Variants in CST8 observed in about 807,000 individuals in gnomAD.
The protein encoded by CST8 is cystatin-8.
Under a neutral mutation model 11.8 loss-of-function variants are expected in CST8, and 20 were observed. The observed-to-expected ratio is 1.70, with a 90% CI of 1.20 to 2.47. The LOEUF (loss-of-function observed/expected upper bound fraction) is 2.47, where lower values mean the gene tolerates loss of function less well. Ranked by LOEUF, CST8 falls within the 30% of genes most tolerant of loss-of-function variation. The pLI is 0.00. For missense variants in CST8, 196 were observed against 167.2 expected (o/e 1.17, Z -0.95); for synonymous variants, 77 against 63.1 (o/e 1.22, Z -1.05).
the CST8 span, among the ~76,000 whole-genome samples, chr20:23,504,197 G>A: frequency 6.6e-6 from 1 of 152,296 alleles, no homozygotes; most frequent in South Asian, 2.1e-4. Context: ...TGAAGCCACC[G>A]GCTATGTGAA....
At chr20:23,495,128 T>G (rs1988003302) in intron 3 of CST8, among the ~76,000 whole-genome samples, 1 of 152,210 alleles carries the variant, frequency 6.6e-6, no homozygotes, top group Non-Finnish European at 1.5e-5. Context: ...TTCATATTAC[T>G]GCAAAGGACA....
intron 3 of CST8, among the ~76,000 whole-genome samples, chr20:23,493,291 T>C (rs1987947547): frequency 6.6e-6 from 1 of 152,176 alleles, no homozygotes; most frequent in African/African-American, 2.4e-5. Flanking sequence ...AAGGATGTTG[T>C]CAAGACCACT....
the CST8 span, among the ~76,000 whole-genome samples, chr20:23,501,239 A>G: frequency 6.6e-6 from 1 of 152,200 alleles, no homozygotes; most frequent in African/African-American, 2.4e-5. Context: ...GTTCTCCTTC[A>G]GATAGTATCG....
intron 2 of CST8, among the ~76,000 whole-genome samples, chr20:23,492,511 T>C (rs1987919188): frequency 6.6e-6 from 1 of 152,202 alleles, no homozygotes; most frequent in Admixed American, 6.5e-5. Flanking sequence ...ATGGGAGGTT[T>C]CACAGGAATC....
chr20:23,497,180 G>T (rs1340184657), downstream of CST8, among the ~76,000 whole-genome samples: 2 of 152,184 alleles, frequency 1.3e-5, no homozygotes, highest in African/African-American at 2.4e-5. Context: ...TTGCAGTAAA[G>T]ACAGGCATAA....
At chr20:23,492,751 G>T (rs1987926324) in intron 2 of CST8, among the ~76,000 whole-genome samples, 1 of 152,116 alleles carries the variant, frequency 6.6e-6, no homozygotes, top group South Asian at 2.1e-4. Context: ...CAAGTGTCCA[G>T]CTCCAGGAGC....
chr20:23,499,308 C>T (rs184071939), downstream of CST8, among the ~76,000 whole-genome samples: 2 of 152,278 alleles, frequency 1.3e-5, no homozygotes, highest in East Asian at 1.9e-4. Flanking sequence ...TTAATCTCTT[C>T]CTTTCATTTT....
chr20:23,498,991 G>A (rs1988123827), downstream of CST8, among the ~76,000 whole-genome samples: 1 of 152,156 alleles, frequency 6.6e-6, no homozygotes, highest in Non-Finnish European at 1.5e-5. Context: ...GGTTTTCTGG[G>A]ATATGAGTGT....
the CST8 span, among the ~76,000 whole-genome samples, chr20:23,504,491 T>A: frequency 6.6e-6 from 1 of 152,144 alleles, no homozygotes; most frequent in Non-Finnish European, 1.5e-5. Flanking sequence ...AAACTCTCTA[T>A]ATTAATTTTG....
At chr20:23,504,974 G>A in the CST8 span, among the ~76,000 whole-genome samples, 3 of 152,008 alleles carry the variant, frequency 2.0e-5, no homozygotes, top group South Asian at 6.2e-4. Context: ...GACCACACAT[G>A]GCTACTTTGA....
the CST8 span, among the ~76,000 whole-genome samples, chr20:23,503,401 A>C: frequency 6.6e-6 from 1 of 152,218 alleles, no homozygotes; most frequent in Non-Finnish European, 1.5e-5. Flanking sequence ...TACACTGAAC[A>C]GCTGCTAATT....
Position 23,491,865 on chromosome 20 carries a change from C to T in CST8, c.198C>T (p.Phe66=). ...YNKESEDKYV[F]LVVKTLQAQL... ...AAGAGAGCGAGGACAAGTATGTCTT[C>T]CTGGTGGTCAAGACACTGCAAGCCC... Residue 66 remains phenylalanine, a synonymous_variant, in exon 2 of 4, where the codon TTC becomes TTT. Coordinates refer to ENST00000246012, the MANE Select transcript of CST8 (RefSeq NM_005492.4). 2 of 1,614,166 alleles carry T rather than the reference C, an allele frequency of 1.2e-6. No individual in the cohort carries two copies. Among genetic ancestry groups the T allele is most frequent in the Admixed American group, 1.7e-5 (1 of 60,024 alleles).
chr20:23,491,892 G>A lies in CST8; in HGVS notation c.225G>A (p.Gln75=). Residue 75 remains glutamine, a synonymous_variant, in exon 2 of 4, where the codon CAG becomes CAA. Transcript: ENST00000246012. ...TGGTGGTCAAGACACTGCAAGCCCAGCTTCAGGTAAAGGTGTCTTTCCATA... is the reference window on the plus strand; with the variant it reads ...TGGTGGTCAAGACACTGCAAGCCCAACTTCAGGTAAAGGTGTCTTTCCATA... ...VFLVVKTLQA[Q]LQVTNLLEYL... 1.2e-6 allele frequency: 2 copies of A among 1,613,476 alleles called. No homozygotes were observed. Among genetic ancestry groups the A allele is most frequent in the South Asian group, 2.2e-5 (2 of 91,070 alleles).
rs748841166 is a variant in CST8 at position 23,491,843 on chromosome 20, A to G, written c.176A>G (p.Glu59Gly). 1.9e-6 allele frequency: 3 copies of G among 1,614,118 alleles called. No individual in the cohort carries two copies. The Admixed American group carries it at 5.0e-5, about 27-fold the overall frequency. The change falls in exon 2 of 4, where the codon GAG becomes GGG. Residue 59 changes from glutamate to glycine, a missense_variant. Physicochemically the swap from Glu to Gly is moderately conservative, Grantham distance 98. Coordinates refer to ENST00000246012, the MANE Select transcript of CST8 (RefSeq NM_005492.4). ...LWFAMQEYNKESEDKYVFLVV... is the reference protein window; with the variant it reads ...LWFAMQEYNKGSEDKYVFLVV... ...TTTGCCATGCAAGAATACAACAAAG[A>G]GAGCGAGGACAAGTATGTCTTCCTG...
At chr20:23,496,830 T>G (rs1988058433), downstream of CST8, among the ~76,000 whole-genome samples, 1 of 152,220 alleles carries the variant, frequency 6.6e-6, no homozygotes, top group African/African-American at 2.4e-5. Context: ...CAGTGATATT[T>G]CTCCCATTTC....
chr20:23,504,094 C>A, the CST8 span, among the ~76,000 whole-genome samples: 2 of 152,104 alleles, frequency 1.3e-5, no homozygotes, highest in South Asian at 4.2e-4. Context: ...AATGTGAGTC[C>A]CCTTTAATTA....
the CST8 span, among the ~76,000 whole-genome samples, chr20:23,501,134 C>T: frequency 3.9e-5 from 6 of 152,226 alleles, no homozygotes; most frequent in East Asian, 1.2e-3. Flanking sequence ...AAAAGATCTC[C>T]CCAGATGCTG....
chr20:23,503,000 T>C, the CST8 span, among the ~76,000 whole-genome samples: 8 of 152,300 alleles, frequency 5.3e-5, no homozygotes, highest in South Asian at 1.7e-3. Flanking sequence ...ATTACCTTTT[T>C]TTTAAAGGAG....
chr20:23,494,442 T>C (rs1273052608), intron 3 of CST8, among the ~76,000 whole-genome samples: 3 of 152,214 alleles, frequency 2.0e-5, no homozygotes, highest in Non-Finnish European at 4.4e-5. Context: ...GCATTTGGTT[T>C]CCCAAATTTG....
Sources: allele counts gnomAD v4.1 joint callset (sites outside exome capture counted in the v4.1 genomes callset), GRCh38; gene constraint gnomAD v4.1.1; transcripts MANE v1.5; gene names NCBI Gene and HGNC (gene_info 2026-07-23, HGNC 2026-07-21).